VEPH1: variants seen among roughly 807,000 people sequenced by gnomAD.
VEPH1 encodes ventricular zone-expressed PH domain-containing protein homolog 1.
VEPH1 carries 80 observed loss-of-function variants against 85.2 expected under a neutral mutation model. The ratio of observed to expected loss-of-function variants is 0.94; its 90% CI spans 0.78 to 1.13. VEPH1 has a LOEUF of 1.13. Among genes scored for constraint, VEPH1 ranks in the 50% most tolerant of loss-of-function variants. The pLI is 0.00. For synonymous variants in VEPH1, 297 were observed against 348.0 expected, an observed-to-expected ratio of 0.85 and a Z score of 1.63; for missense variants, 955 against 980.5, an observed-to-expected ratio of 0.97 and a Z score of 0.35.
At chr3:157,465,700 C>T (rs2109411491) in intron 3 of VEPH1, among the ~76,000 whole-genome samples, 1 of 152,328 alleles carries the variant, frequency 6.6e-6, no homozygotes, top group Non-Finnish European at 1.5e-5. Flanking sequence ...CTTCATATTA[C>T]ATTGACTGGG....
At chr3:157,332,434 A>AT (rs1371249897) in intron 9 of VEPH1, among the ~76,000 whole-genome samples, 2 of 152,102 alleles carry the variant, frequency 1.3e-5, no homozygotes, top group Admixed American at 6.6e-5. Flanking sequence ...AAAAATCTGC[A>AT]TTTTGTCTCT....
chr3:157,466,721 ATTCTT>A (rs1736410311), intron 3 of VEPH1, among the ~76,000 whole-genome samples: 1 of 152,202 alleles, frequency 6.6e-6, no homozygotes, highest in African/African-American at 2.4e-5. Context: ...TTGCTATTCT[ATTCTT>A]AGAGTCTCCT....
At chr3:157,483,286 T>C (rs1738306254) in intron 2 of VEPH1, among the ~76,000 whole-genome samples, 1 of 151,970 alleles carries the variant, frequency 6.6e-6, no homozygotes, top group African/African-American at 2.4e-5. Context: ...CAGAAGCAAA[T>C]ACAAACCACT....
At chr3:157,362,465 T>C (rs1256091914) in intron 9 of VEPH1, among the ~76,000 whole-genome samples, 1 of 152,214 alleles carries the variant, frequency 6.6e-6, no homozygotes, top group African/African-American at 2.4e-5. Flanking sequence ...CACTGGCTTC[T>C]TTCTTTTAAG....
chr3:157,317,058 A>T lies in VEPH1; in HGVS notation c.1875+4T>A, dbSNP rs1332570806. ...AGAGCCTGATGAACACAAATTATACAAACCTGCTGAAATAGAAACATGATC... is the reference window on the plus strand; with the variant it reads ...AGAGCCTGATGAACACAAATTATACTAACCTGCTGAAATAGAAACATGATC... On this transcript the variant is annotated splice_donor_region_variant and intron_variant, in intron 10 of 13. Transcript: ENST00000362010. 1 of 1,609,518 alleles carries T rather than the reference A, an allele frequency of 6.2e-7. No individual in the cohort carries two copies. Among genetic ancestry groups the T allele is most frequent in the Non-Finnish European group, 8.5e-7 (1 of 1,178,036 alleles).
At chr3:157,370,447 A>G (rs1191234844) in intron 7 of VEPH1, among the ~76,000 whole-genome samples, 5 of 152,216 alleles carry the variant, frequency 3.3e-5, no homozygotes, top group Non-Finnish European at 5.9e-5. Flanking sequence ...CTAAATCCAC[A>G]TTGGAGTCCT....
rs542309246 is a variant in VEPH1, at chr3:157,342,184, TTAAATG to T, written c.1735+21174_1735+21179del. Among the ~76,000 whole-genome samples, 574 of 152,252 alleles carry T rather than the reference TTAAATG, an allele frequency of 3.8e-3. 3 individuals carry two copies. Among genetic ancestry groups the T allele is most frequent in the African/African-American group, 0.013 (550 of 41,550 alleles). Reference sequence around the variant, plus strand: ...AAATTCACACATAACAATACTAACCTTAAATGTAAATGGGCTAAATGTTCCAATTAA... The same window carrying T: ...AAATTCACACATAACAATACTAACCTTAAATGGGCTAAATGTTCCAATTAA... On this transcript the variant is annotated intron_variant, in intron 9 of 13. Transcript: ENST00000362010.
intron 9 of VEPH1, among the ~76,000 whole-genome samples, chr3:157,342,768 T>G (rs545525175): frequency 6.6e-6 from 1 of 152,166 alleles, no homozygotes; most frequent in Non-Finnish European, 1.5e-5. Context: ...ATTGACCACA[T>G]AGTTGGAAGT....
At chr3:157,297,845 T>A (rs1157646987) in intron 11 of VEPH1, among the ~76,000 whole-genome samples, 2 of 151,972 alleles carry the variant, frequency 1.3e-5, no homozygotes. Context: ...GGGACATTAG[T>A]GAAGAGACGG....
intron 3 of VEPH1, among the ~76,000 whole-genome samples, chr3:157,465,637 C>T (rs1736296444): frequency 6.6e-6 from 1 of 152,294 alleles, no homozygotes; most frequent in Non-Finnish European, 1.5e-5. Context: ...AGGAAATGCT[C>T]TCCACTGTCT....
intron 4 of VEPH1, among the ~76,000 whole-genome samples, chr3:157,433,366 T>C (rs547426645): frequency 3.5e-4 from 53 of 152,298 alleles, no homozygotes; most frequent in African/African-American, 1.2e-3. Flanking sequence ...CTATAGGTTT[T>C]GGTATTTATG....
At chr3:157,356,226 A>AAAC (rs935546198) in intron 9 of VEPH1, among the ~76,000 whole-genome samples, 1 of 152,142 alleles carries the variant, frequency 6.6e-6, no homozygotes, top group African/African-American at 2.4e-5. Context: ...AAAAACAAAC[A>AAAC]AACAACAACA....
At chr3:157,448,401 G>A (rs1734711307) in intron 4 of VEPH1, among the ~76,000 whole-genome samples, 1 of 152,132 alleles carries the variant, frequency 6.6e-6, no homozygotes, top group Non-Finnish European at 1.5e-5. Flanking sequence ...TCTTTATTAT[G>A]ATCACTGATT....
intron 6 of VEPH1, among the ~76,000 whole-genome samples, chr3:157,401,235 A>G (rs1730767255): frequency 6.6e-6 from 1 of 152,172 alleles, no homozygotes; most frequent in African/African-American, 2.4e-5. Context: ...TTATGGGTCC[A>G]AAAAGAAAGA....
intron 4 of VEPH1, chr3:157,437,650 G>C (rs1213784088): frequency 6.5e-7 from 1 of 1,546,568 alleles, no homozygotes; most frequent in Non-Finnish European, 8.7e-7. Flanking sequence ...GAGGCTGCGG[G>C]AGGAGCTGGG....
At position 157,450,283 on chromosome 3, in the gene VEPH1, C is replaced by T. The variant is rs1734867761; in HGVS notation, c.529+9898G>A. ...TGTTCCCGAGGCTGGTCTTGAACTCCTGAGCTCAAGCGATCCTCTCACCTT... is the reference window on the plus strand; with the variant it reads ...TGTTCCCGAGGCTGGTCTTGAACTCTTGAGCTCAAGCGATCCTCTCACCTT... On this transcript the variant is annotated intron_variant, in intron 4 of 13. Coordinates refer to ENST00000362010, the MANE Select transcript of VEPH1 (RefSeq NM_001167912.2). 4.6e-5 allele frequency among the ~76,000 whole-genome samples: 7 copies of T among 152,016 alleles called. No individual in the cohort carries two copies. In the South Asian group the frequency reaches 1.2e-3, roughly 27 times the overall value.
chr3:157,310,483 A>G (rs934498044), intron 11 of VEPH1, among the ~76,000 whole-genome samples: 3 of 152,226 alleles, frequency 2.0e-5, no homozygotes, highest in Admixed American at 6.5e-5. Flanking sequence ...GGAGCACAGC[A>G]GATCTTAAAG....
At chr3:157,489,816 T>C (rs1342056609) in intron 2 of VEPH1, among the ~76,000 whole-genome samples, 1 of 151,768 alleles carries the variant, frequency 6.6e-6, no homozygotes, top group East Asian at 1.9e-4. Context: ...AACTGGAAAA[T>C]GTATATAGAC....
intron 4 of VEPH1, among the ~76,000 whole-genome samples, chr3:157,454,219 A>G (rs1395876526): frequency 6.6e-6 from 1 of 152,200 alleles, no homozygotes; most frequent in African/African-American, 2.4e-5. Context: ...CTTTAAGCAA[A>G]TTTAATATTA....
Sources: allele counts gnomAD v4.1 joint callset (sites outside exome capture counted in the v4.1 genomes callset), GRCh38; gene constraint gnomAD v4.1.1; transcripts MANE v1.5; gene names NCBI Gene and HGNC (gene_info 2026-07-23, HGNC 2026-07-21).